The following SDF2 variants were observed in gnomAD, a reference collection of about 807,000 sequenced individuals.
The protein encoded by SDF2 is stromal cell-derived factor 2.
SDF2 carries 12 observed loss-of-function variants against 20.5 expected under a neutral mutation model. The ratio of observed to expected loss-of-function variants is 0.58; its 90% CI spans 0.37 to 0.95. SDF2 has a LOEUF of 0.95. Ranked by LOEUF, SDF2 falls within the 40% of genes least tolerant of loss-of-function variation. The pLI, the probability that SDF2 is intolerant of heterozygous loss-of-function variation, is 0.01. For missense variants in SDF2, 238 were observed against 263.1 expected (o/e 0.90, Z 0.66); for synonymous variants, 100 against 101.0 (o/e 0.99, Z 0.06).
intron 1 of SDF2, among the ~76,000 whole-genome samples, chr17:28,659,777 G>A (rs573369226): frequency 8.7e-5 from 13 of 150,136 alleles, no homozygotes; most frequent in South Asian, 4.2e-4. Context: ...AGGCAGAGGC[G>A]CTCCTCACAT....
At chr17:28,652,380 G>A (rs1270955783) in intron 2 of SDF2, among the ~76,000 whole-genome samples, 2 of 151,680 alleles carry the variant, frequency 1.3e-5, no homozygotes, top group East Asian at 1.9e-4. Context: ...GTGCAATCTC[G>A]GCTCACTGCA....
Position 28,661,746 on chromosome 17 carries a change from T to C in SDF2, c.131A>G (p.His44Arg), listed in dbSNP as rs2072049175. Residue 44 changes from histidine (H) to arginine (R), a missense_variant, in exon 1 of 3, where the codon CAC becomes CGC. His to Arg is a conservative substitution (Grantham distance 29). Transcript: ENST00000247020. ...NTRHNVRLHS[H>R]DVRYGSGSGQ... is the part of the protein sequence containing the mutation. ...ATTACCTGACCCATAGCGCACGTCG[T>C]GTGAGTGCAGTCGGACGTTGTGGCG... 2.5e-6 allele frequency: 4 copies of C among 1,613,624 alleles called. No individual in the cohort carries two copies. Among genetic ancestry groups the C allele is most frequent in the Non-Finnish European group, 3.4e-6 (4 of 1,179,776 alleles).
chr17:28,654,414 G>A (rs1361632090), intron 2 of SDF2, among the ~76,000 whole-genome samples: 1 of 149,846 alleles, frequency 6.7e-6, no homozygotes. Flanking sequence ...CAGAATATCA[G>A]AACTTATGAT....
Position 28,661,773 on chromosome 17 carries a change from G to C in SDF2, c.104C>G (p.Thr35Arg), listed in dbSNP as rs755238109. The C allele has an allele frequency of 1.2e-6, 2 of 1,614,072 alleles. No homozygotes were observed. Among genetic ancestry groups the C allele is most frequent in the Non-Finnish European group, 1.7e-6 (2 of 1,180,012 alleles). ...TGAGTGCAGTCGGACGTTGTGGCGC[G>C]TATTGAGTAGCTTCACCACGGAGCC... Reference protein sequence around the residue: ...TCGSVVKLLNTRHNVRLHSHD... With the variant: ...TCGSVVKLLNRRHNVRLHSHD... The change falls in exon 1 of 3, where the codon ACG becomes AGG. Residue 35 changes from threonine to arginine, a missense_variant. By Grantham distance (71) the Thr-to-Arg change is moderately conservative. Coordinates refer to ENST00000247020, the MANE Select transcript of SDF2 (RefSeq NM_006923.4).
intron 1 of SDF2, among the ~76,000 whole-genome samples, chr17:28,656,668 G>A (rs2071965983): frequency 6.6e-6 from 1 of 152,140 alleles, no homozygotes; most frequent in Admixed American, 6.5e-5. Flanking sequence ...TGTCATATCA[G>A]AAAATTCTAA....
intron 1 of SDF2, among the ~76,000 whole-genome samples, chr17:28,660,092 A>G (rs1004896523): frequency 6.6e-6 from 1 of 152,216 alleles, no homozygotes; most frequent in Admixed American, 6.5e-5. Context: ...TACGAAAACC[A>G]GTCAGGCATG....
chr17:28,649,081 G>T lies in SDF2; in HGVS notation c.544C>A (p.Pro182Thr), dbSNP rs1443665650. ...GCTTTCCAGTAGTTGTTCTGACTTG[G>T]CTGGGCCATGCCATGCACCTCTTTT... ...GQKEVHGMAQ[P>T]SQNNYWKAME... is the part of the protein sequence containing the mutation. Residue 182 changes from proline to threonine, a missense_variant, in exon 3 of 3, where the codon CCA becomes ACA. Pro to Thr is a conservative substitution (Grantham distance 38, BLOSUM62 -1). Transcript: ENST00000247020. The T allele has an allele frequency of 6.2e-7, 1 of 1,614,194 alleles. No homozygotes were observed. Among genetic ancestry groups the T allele is most frequent in the African/African-American group, 1.3e-5 (1 of 75,032 alleles).
In SDF2 at chr17:28,649,321, C is replaced by T; in HGVS notation, c.349-45G>A. On this transcript the variant is annotated intron_variant, in intron 2 of 2. Transcript: ENST00000247020. ...GTAACATCAGCATGGCTGACAAGGG[C>T]TTGAAAAGGGGTGGGAGGCAATGGG... is the stretch of plus-strand genomic sequence containing the variant. 3.2e-6 allele frequency: 5 copies of T among 1,584,042 alleles called. 1 individual carries two copies. In the South Asian group the frequency reaches 3.3e-5, roughly 11 times the overall value.
At chr17:28,659,522 C>T (rs1306713369) in intron 1 of SDF2, among the ~76,000 whole-genome samples, 1 of 145,314 alleles carries the variant, frequency 6.9e-6, no homozygotes, top group East Asian at 2.1e-4. Flanking sequence ...GCCCACTTCC[C>T]AGATGGGGTG....
chr17:28,648,904 G>C lies in SDF2; in HGVS notation c.*85C>G. On this transcript the variant is annotated 3_prime_UTR_variant, in exon 3 of 3. Transcript: ENST00000247020. ...CAATGGTGACATGGCCACTGCCCAA[G>C]GAACTTGTGGCAGGGATCCCAAGGT... 7.2e-7 allele frequency: 1 copy of C among 1,391,626 alleles called. No homozygotes were observed. The highest frequency in any genetic ancestry group is 1.3e-5 in the South Asian group (1 of 79,912). 86.2% of individuals were successfully genotyped at this position (1,391,626 alleles called of 1,614,324 possible).
rs1374807697 is a variant in SDF2 at position 28,655,494 on chromosome 17, G to A, written c.152-11C>T. The A allele has an allele frequency of 6.4e-7, 1 of 1,569,958 alleles. No homozygotes were observed. Among genetic ancestry groups the A allele is most frequent in the Non-Finnish European group, 8.6e-7 (1 of 1,158,310 alleles). On this transcript the variant is annotated splice_polypyrimidine_tract_variant and intron_variant, in intron 1 of 2. Transcript: ENST00000247020. ...ACTGCTGCCCACTACCTGCAGTTAA[G>A]AAAAGAAAGGCAACTCTCTTTCTCT...
intron 1 of SDF2, among the ~76,000 whole-genome samples, chr17:28,660,311 A>G (rs894783107): frequency 6.6e-6 from 1 of 152,234 alleles, no homozygotes; most frequent in Non-Finnish European, 1.5e-5. Context: ...GGTCAGGACA[A>G]AAGCATTTGT....
At chr17:28,651,513 T>C (rs1472559711) in intron 2 of SDF2, 1 of 152,268 alleles carries the variant, frequency 6.6e-6, no homozygotes, top group Admixed American at 6.5e-5. Context: ...TCCCTTCTTC[T>C]GTAAATCCTT....
In SDF2 at chr17:28,648,942, G is replaced by A. The variant is rs1407006730; in HGVS notation, c.*47C>T. Reference sequence around the variant, plus strand: ...GGGATCCCAAGGTGAGGCAGCAACAGATGTCTGTGAACATTGTGCGTTAAC... The same window carrying A: ...GGGATCCCAAGGTGAGGCAGCAACAAATGTCTGTGAACATTGTGCGTTAAC... On this transcript the variant is annotated 3_prime_UTR_variant, in exon 3 of 3. Coordinates refer to ENST00000247020, the MANE Select transcript of SDF2 (RefSeq NM_006923.4). 1 of 1,588,736 alleles carries A rather than the reference G, an allele frequency of 6.3e-7. No individual in the cohort carries two copies. The highest frequency in any genetic ancestry group is 2.2e-5 in the East Asian group (1 of 44,532).
chr17:28,656,617 C>T (rs926723079), intron 1 of SDF2, among the ~76,000 whole-genome samples: 8 of 151,918 alleles, frequency 5.3e-5, no homozygotes, highest in African/African-American at 1.9e-4. Context: ...ACTGTGTCCA[C>T]GTAATACTAG....
intron 2 of SDF2, among the ~76,000 whole-genome samples, chr17:28,652,075 G>A (rs1282385033): frequency 6.6e-6 from 1 of 152,076 alleles, no homozygotes; most frequent in Admixed American, 6.6e-5. Context: ...GAAGGCTGAC[G>A]CAAGAGGACT....
In SDF2 at chr17:28,659,837, G is replaced by A. The variant is rs2072006781; in HGVS notation, c.151+1889C>T. On this transcript the variant is annotated intron_variant, in intron 1 of 2. Coordinates refer to ENST00000247020, the MANE Select transcript of SDF2 (RefSeq NM_006923.4). ...AGACGCTCCTCACTTCCTAGACGGG[G>A]TGGCGGCCGGGCAGAGGCTGTACTC... Among the ~76,000 whole-genome samples the A allele has an allele frequency of 2.0e-5, 3 of 152,010 alleles. No individual in the cohort carries two copies. The South Asian group carries it at 6.2e-4, about 32-fold the overall frequency.
At chr17:28,661,975 A>G (rs1343157978), upstream of SDF2, 5 of 1,385,890 alleles carry the variant, frequency 3.6e-6, no homozygotes, top group Non-Finnish European at 4.0e-6. Flanking sequence ...GAAGTGAAGA[A>G]GCCCGAGTCT....
chr17:28,649,367 G>T (rs1310142875), intron 2 of SDF2, 91 bp from the exon 3 acceptor site: 2 of 1,270,778 alleles, frequency 1.6e-6, no homozygotes, highest in African/African-American at 1.5e-5. Context: ...AGGCCACCTT[G>T]AAGTAAAAAA....
Sources: gnomAD v4.1 joint callset for allele counts (sites outside exome capture counted in the v4.1 genomes callset) on GRCh38, gnomAD v4.1.1 for gene constraint, MANE v1.5 for transcripts, NCBI Gene and HGNC (gene_info 2026-07-23, HGNC 2026-07-21) for gene names.